The following BEGAIN variants were observed in gnomAD, a reference collection of about 807,000 sequenced individuals.
The protein encoded by BEGAIN is brain-enriched guanylate kinase-associated protein.
BEGAIN carries 19 observed loss-of-function variants against 35.8 expected under a neutral mutation model. The observed-to-expected ratio is 0.53, with a 90% confidence interval of 0.37 to 0.78. BEGAIN has a LOEUF of 0.78. Ranked by LOEUF, BEGAIN falls within the 30% of genes least tolerant of loss-of-function variation. The pLI is 0.00. For missense variants in BEGAIN, 795 were observed against 853.6 expected, an observed-to-expected ratio of 0.93 and a Z score of 0.85; for synonymous variants, 462 against 388.6, an observed-to-expected ratio of 1.19 and a Z score of -2.22.
Position 100,543,803 on chromosome 14 carries a change from C to T in BEGAIN, c.408+55G>A, listed in dbSNP as rs530895263. ...GTGACTCCCAGTGCATCCTGGGAAG[C>T]CCTCGCCTAGGCCCACCGGCAGTCT... On this transcript the variant is annotated intron_variant, in intron 5 of 6. Coordinates refer to ENST00000554140, the MANE Select transcript of BEGAIN (RefSeq NM_001385089.1). 2.8e-6 allele frequency: 4 copies of T among 1,410,958 alleles called. No individual in the cohort carries two copies. In the South Asian group the frequency reaches 3.6e-5, roughly 13 times the overall value. 87.4% of individuals were successfully genotyped at this position (1,410,958 alleles called of 1,614,324 possible). A position where few individuals can be genotyped will look rare whatever the true frequency, so the allele number is the denominator to read the frequency against.
intron 2 of BEGAIN, among the ~76,000 whole-genome samples, chr14:100,564,304 G>T (rs1169817046): frequency 1.3e-5 from 2 of 152,038 alleles, no homozygotes; most frequent in African/African-American, 2.4e-5. Flanking sequence ...TTCTATTTTG[G>T]GGGGAAAACG....
intron 2 of BEGAIN, among the ~76,000 whole-genome samples, chr14:100,560,876 G>A (rs767757542): frequency 2.6e-5 from 4 of 152,166 alleles, no homozygotes; most frequent in East Asian, 1.9e-4. Context: ...CCCTCGACAC[G>A]AGCCCCAGAG....
At chr14:100,583,667 C>T (rs2035370200) in intron 1 of BEGAIN, among the ~76,000 whole-genome samples, 1 of 144,468 alleles carries the variant, frequency 6.9e-6, no homozygotes, top group South Asian at 2.3e-4. Context: ...TTCTTTCTTT[C>T]TCTCTCTCTC....
rs1336890036 is a variant in BEGAIN at position 100,538,694 on chromosome 14, T to C, written c.1114A>G (p.Thr372Ala). The change falls in exon 7 of 7, where the codon ACG becomes GCG. Residue 372 changes from threonine to alanine, a missense_variant. Transcript: ENST00000554140. ...TCCAGCGGGGCCGCCACCGCGGCCG[T>C]GGCCTTGGCAAAGCGAGGGCTGCCC... ...YEGSPRFAKA[T>A]AAVAAPLEAE... 6.4e-7 allele frequency: 1 copy of C among 1,557,896 alleles called. No homozygotes were observed. The highest frequency in any genetic ancestry group is 1.2e-5 in the South Asian group (1 of 84,704).
At chr14:100,557,138 T>A (rs933041771) in intron 2 of BEGAIN, among the ~76,000 whole-genome samples, 1 of 148,612 alleles carries the variant, frequency 6.7e-6, no homozygotes, top group African/African-American at 2.5e-5. Flanking sequence ...GCCGGCCTCT[T>A]CCAGCCACAC....
intron 1 of BEGAIN, among the ~76,000 whole-genome samples, chr14:100,572,911 C>T (rs946775144): frequency 6.6e-6 from 1 of 152,056 alleles, no homozygotes; most frequent in African/African-American, 2.4e-5. Flanking sequence ...GAGCCCTGTT[C>T]TGGGGGATTC....
chr14:100,565,536 G>A (rs2034616146), intron 2 of BEGAIN, among the ~76,000 whole-genome samples: 2 of 152,116 alleles, frequency 1.3e-5, no homozygotes, highest in Admixed American at 6.5e-5. Context: ...GCCCTGGGGG[G>A]TGTGGGAGAG....
At chr14:100,557,201 A>G (rs182685092) in intron 2 of BEGAIN, among the ~76,000 whole-genome samples, 1,620 of 151,690 alleles carry the variant, frequency 0.011, 29 homozygotes, top group African/African-American at 0.035. Context: ...GGGCTCTGCC[A>G]GCCTCTTCCA....
intron 2 of BEGAIN, among the ~76,000 whole-genome samples, chr14:100,556,900 C>A (rs2033777274): frequency 6.6e-6 from 1 of 152,220 alleles, no homozygotes; most frequent in Non-Finnish European, 1.5e-5. Flanking sequence ...CCTCCATGCC[C>A]CCTCTCTGCA....
Position 100,538,365 on chromosome 14 carries a change from G to A in BEGAIN, c.1443C>T (p.Gly481=). 1 of 1,514,234 alleles carries A rather than the reference G, an allele frequency of 6.6e-7. No individual in the cohort carries two copies. The allele number at this position is 1,514,234 out of a possible 1,614,324, so 93.8% of individuals were successfully genotyped here. ...AGGSPGKKAD[G]RASPLYASYK... is the part of the protein sequence containing the mutation. ...AGCTGGCGTAGAGCGGGCTGGCGCG[G>A]CCGTCGGCCTTCTTGCCCGGGCTGC... Residue 481 remains glycine, a synonymous_variant, in exon 7 of 7, where the codon GGC becomes GGT. Transcript: ENST00000554140.
intron 2 of BEGAIN, among the ~76,000 whole-genome samples, chr14:100,562,442 C>A (rs1352878587): frequency 6.6e-6 from 1 of 152,134 alleles, no homozygotes; most frequent in East Asian, 1.9e-4. Context: ...AGCCTGTGTG[C>A]CCTCAAACCC....
At chr14:100,584,452 C>A (rs1388964250) in intron 1 of BEGAIN, among the ~76,000 whole-genome samples, 1 of 152,184 alleles carries the variant, frequency 6.6e-6, no homozygotes, top group African/African-American at 2.4e-5. Flanking sequence ...TGTCTCCCAG[C>A]AAACTGTGGA....
At chr14:100,557,010 C>G (rs566700223) in intron 2 of BEGAIN, among the ~76,000 whole-genome samples, 3 of 152,186 alleles carry the variant, frequency 2.0e-5, no homozygotes, top group Non-Finnish European at 4.4e-5. Flanking sequence ...GCACCACACA[C>G]GAGTCAGGGC....
At chr14:100,564,942 C>G (rs2034569556) in intron 2 of BEGAIN, among the ~76,000 whole-genome samples, 1 of 152,200 alleles carries the variant, frequency 6.6e-6, no homozygotes, top group South Asian at 2.1e-4. Flanking sequence ...GGTGGCCTGT[C>G]TGTCCTTGGA....
chr14:100,552,622 C>T (rs552192819), intron 2 of BEGAIN, among the ~76,000 whole-genome samples: 1 of 152,164 alleles, frequency 6.6e-6, no homozygotes, highest in East Asian at 1.9e-4. Context: ...AGAGGCCTGC[C>T]GAAGTGTTTT....
chr14:100,561,255 G>A lies in BEGAIN; in HGVS notation c.71+6656C>T, dbSNP rs1018975979. ...GCCAGGCCCTCTCCTTCACGGGAAT[G>A]ATGTCACCGCCCAAGGGGTGGGCAG... is the stretch of plus-strand genomic sequence containing the variant. On this transcript the variant is annotated intron_variant, in intron 2 of 6. Coordinates refer to ENST00000554140, the MANE Select transcript of BEGAIN (RefSeq NM_001385089.1). Among the ~76,000 whole-genome samples, 11 of 152,328 alleles carry A rather than the reference G, an allele frequency of 7.2e-5. No homozygotes were observed. The East Asian group carries it at 2.1e-3, about 29-fold the overall frequency.
At position 100,575,092 on chromosome 14, in the gene BEGAIN, G is replaced by A. The variant is rs116905927; in HGVS notation, c.43-7153C>T. Among the ~76,000 whole-genome samples, 687 of 152,306 alleles carry A rather than the reference G, an allele frequency of 4.5e-3. 4 individuals are homozygous for A. Among genetic ancestry groups the A allele is most frequent in the Non-Finnish European group, 5.6e-3 (382 of 68,020 alleles). On this transcript the variant is annotated intron_variant, in intron 1 of 6. Transcript: ENST00000554140. ...CATGGCCACTCAGCCAGGCAGGACA[G>A]CACAGGACAGGACTGAAACCCAGGG...
intron 2 of BEGAIN, among the ~76,000 whole-genome samples, chr14:100,566,133 C>T (rs551295517): frequency 2.6e-5 from 4 of 152,362 alleles, no homozygotes; most frequent in East Asian, 3.9e-4. Flanking sequence ...CCTTGCCCCA[C>T]GCCACCCCTG....
At chr14:100,550,408 C>G (rs1476757622) in intron 2 of BEGAIN, 1 of 399,106 alleles carries the variant, frequency 2.5e-6, no homozygotes, top group Non-Finnish European at 4.4e-6. Context: ...GGGGAGACAA[C>G]AGGTATGTTA....
Sources: allele counts gnomAD v4.1 joint callset (sites outside exome capture counted in the v4.1 genomes callset), GRCh38; gene constraint gnomAD v4.1.1; transcripts MANE v1.5; gene names NCBI Gene and HGNC (gene_info 2026-07-23, HGNC 2026-07-21).